BICD1: variants seen among roughly 807,000 people sequenced by gnomAD.
BICD1 encodes BICD cargo adaptor 1.
Under a neutral mutation model 92.5 loss-of-function variants are expected in BICD1, and 35 were observed. The ratio of observed to expected loss-of-function variants is 0.38; its 90% confidence interval spans 0.29 to 0.50. The LOEUF (loss-of-function observed/expected upper bound fraction) is 0.50. Ranked by LOEUF, BICD1 falls within the 20% of genes least tolerant of loss-of-function variation. The pLI is 0.93. For missense variants in BICD1, 950 were observed against 1,189.8 expected, an observed-to-expected ratio of 0.80 and a Z score of 2.97; for synonymous variants, 429 against 465.1, an observed-to-expected ratio of 0.92 and a Z score of 1.00.
chr12:32,377,692 A>T lies in BICD1; in HGVS notation c.*65A>T. 1.4e-6 allele frequency: 2 copies of T among 1,389,686 alleles called. No homozygotes were observed. The allele number at this position is 1,389,686 out of a possible 1,614,324, so 86.1% of individuals were successfully genotyped here. A position where few individuals can be genotyped will look rare whatever the true frequency, so the allele number is the denominator to read the frequency against. On this transcript the variant is annotated 3_prime_UTR_variant, in exon 10 of 10. Transcript: ENST00000652176. Reference sequence around the variant, plus strand: ...TGTAGCCACACACAGGATACTGCCCAAGATCCAGCGGGTGTTTTCTTCTCG... The same window carrying T: ...TGTAGCCACACACAGGATACTGCCCTAGATCCAGCGGGTGTTTTCTTCTCG...
intron 6 of BICD1, among the ~76,000 whole-genome samples, chr12:32,336,889 A>G (rs112751377): frequency 5.6e-4 from 86 of 152,318 alleles, no homozygotes; most frequent in African/African-American, 1.9e-3. Flanking sequence ...AGGCAAGAAG[A>G]TCACTTGAGG....
intron 2 of BICD1, among the ~76,000 whole-genome samples, chr12:32,269,819 A>T (rs1349095826): frequency 6.6e-6 from 1 of 152,098 alleles, no homozygotes; most frequent in Non-Finnish European, 1.5e-5. Flanking sequence ...CGGGTCCCAC[A>T]CATATGATCA....
chr12:32,207,104 GGACA>G (rs1950869326), intron 1 of BICD1, among the ~76,000 whole-genome samples: 1 of 152,186 alleles, frequency 6.6e-6, no homozygotes, highest in South Asian at 2.1e-4. Flanking sequence ...GGACCAAGGA[GGACA>G]GACAGAGGCC....
chr12:32,138,478 C>T (rs1014572332), intron 1 of BICD1, among the ~76,000 whole-genome samples: 24 of 152,172 alleles, frequency 1.6e-4, no homozygotes, highest in Non-Finnish European at 2.9e-5. Flanking sequence ...CCTGACTTAA[C>T]GATGGTTCAT....
chr12:32,361,133 C>G (rs1939309099), intron 8 of BICD1, among the ~76,000 whole-genome samples: 1 of 152,202 alleles, frequency 6.6e-6, no homozygotes, highest in Non-Finnish European at 1.5e-5. Context: ...CCACTGTACT[C>G]TTCACTGGGC....
intron 2 of BICD1, among the ~76,000 whole-genome samples, chr12:32,224,889 A>T (rs947114687): frequency 6.6e-6 from 1 of 152,134 alleles, no homozygotes; most frequent in Non-Finnish European, 1.5e-5. Flanking sequence ...TTTAATAGAG[A>T]CGGGGTTTCA....
At position 32,327,942 on chromosome 12, in the gene BICD1, A is replaced by G. The variant is rs200359075; in HGVS notation, c.1487A>G (p.Glu496Gly). ...ELQKMTSIANENHSTLNTAQD... is the reference protein window; with the variant it reads ...ELQKMTSIANGNHSTLNTAQD... ...CAAAAGATGACCAGCATAGCCAACG[A>G]AAATCACAGTACCCTTAATACGGCC... The change falls in exon 5 of 10, where the codon GAA becomes GGA. Residue 496 changes from glutamate (E) to glycine (G), a missense_variant. Around this residue, in one of 5 missense-constraint regions of BICD1, gnomAD observed 309 missense variants for 499.4 expected, o/e 0.62. Transcript: ENST00000652176. 6.2e-7 allele frequency: 1 copy of G among 1,614,202 alleles called. No individual in the cohort carries two copies. Among genetic ancestry groups the G allele is most frequent in the Non-Finnish European group, 8.5e-7 (1 of 1,180,038 alleles).
chr12:32,159,135 C>T (rs776791598), intron 1 of BICD1, among the ~76,000 whole-genome samples: 3 of 151,958 alleles, frequency 2.0e-5, no homozygotes, highest in South Asian at 4.1e-4. Context: ...GGTTTCATCA[C>T]GTTGGCTAGG....
At chr12:32,372,860 G>C (rs1015059646) in intron 9 of BICD1, among the ~76,000 whole-genome samples, 1 of 152,180 alleles carries the variant, frequency 6.6e-6, no homozygotes, top group African/African-American at 2.4e-5. Context: ...CTGGGTGGCA[G>C]AAGAGGACCC....
At chr12:32,123,127 C>T (rs188660834) in intron 1 of BICD1, among the ~76,000 whole-genome samples, 233 of 152,160 alleles carry the variant, frequency 1.5e-3, no homozygotes, top group African/African-American at 5.4e-3. Context: ...GGAAAAAACC[C>T]TGGGAATAGG....
At chr12:32,358,690 T>C (rs1939211914) in intron 8 of BICD1, among the ~76,000 whole-genome samples, 1 of 151,974 alleles carries the variant, frequency 6.6e-6, no homozygotes, top group Non-Finnish European at 1.5e-5. Flanking sequence ...TGAGCCGAGA[T>C]TGCACCACTG....
intron 2 of BICD1, among the ~76,000 whole-genome samples, chr12:32,250,143 A>G (rs544434508): frequency 2.6e-5 from 4 of 152,128 alleles, no homozygotes; most frequent in Non-Finnish European, 5.9e-5. Flanking sequence ...TTCTGTTTAG[A>G]CGTTGAGTTA....
chr12:32,190,426 T>C (rs928659319), intron 1 of BICD1, among the ~76,000 whole-genome samples: 2 of 152,114 alleles, frequency 1.3e-5, no homozygotes, highest in African/African-American at 4.8e-5. Context: ...CAAATAGTAA[T>C]CAAAAGAGAG....
At chr12:32,374,645 G>A (rs1343031450) in intron 9 of BICD1, among the ~76,000 whole-genome samples, 1 of 140,982 alleles carries the variant, frequency 7.1e-6, no homozygotes, top group Non-Finnish European at 1.5e-5. Context: ...TCAGCTCACC[G>A]CAACGTCTGC....
chr12:32,373,610 C>T (rs966604527), intron 9 of BICD1, among the ~76,000 whole-genome samples: 4 of 152,026 alleles, frequency 2.6e-5, no homozygotes, highest in Admixed American at 6.6e-5. Context: ...CAGCGGCTCA[C>T]GCCTGTAATC....
At chr12:32,323,695 T>A (rs571032514) in intron 4 of BICD1, among the ~76,000 whole-genome samples, 5 of 152,284 alleles carry the variant, frequency 3.3e-5, no homozygotes, top group African/African-American at 1.2e-4. Context: ...AATAACACCT[T>A]GAGATAACAA....
At chr12:32,276,407 G>A (rs941835123) in intron 2 of BICD1, among the ~76,000 whole-genome samples, 1 of 152,188 alleles carries the variant, frequency 6.6e-6, no homozygotes, top group African/African-American at 2.4e-5. Flanking sequence ...AAGCCTAGCT[G>A]GGAAGGTGAC....
chr12:32,358,509 C>T (rs193272191), intron 8 of BICD1, among the ~76,000 whole-genome samples: 1 of 152,060 alleles, frequency 6.6e-6, no homozygotes, highest in Admixed American at 6.5e-5. Flanking sequence ...GAGGCTGAGG[C>T]AGGCGGATCA....
chr12:32,298,967 G>T (rs1239573), intron 3 of BICD1, among the ~76,000 whole-genome samples: 53,587 of 151,794 alleles, frequency 0.35, 10,176 homozygotes, highest in Non-Finnish European at 0.44. Flanking sequence ...GTATTTCAGG[G>T]GTATCTCTCT....
Sources: allele counts gnomAD v4.1 joint callset (sites outside exome capture counted in the v4.1 genomes callset), GRCh38; gene constraint gnomAD v4.1.1; regional missense constraint gnomAD v4.1.1; transcripts MANE v1.5; gene names NCBI Gene and HGNC (gene_info 2026-07-23, HGNC 2026-07-21).